The following EHBP1 variants were observed in gnomAD, a reference collection of about 807,000 sequenced individuals.
EHBP1 encodes the protein EH domain-binding protein 1.
Under a neutral mutation model 144.0 loss-of-function variants are expected in EHBP1, and 55 were observed. The observed-to-expected ratio is 0.38, with a 90% CI of 0.31 to 0.48. The LOEUF is 0.48. Among genes scored for constraint, EHBP1 ranks in the 20% least tolerant of loss-of-function variants. EHBP1 has a pLI of 0.98. For missense variants in EHBP1, 1,200 were observed against 1,364.2 expected, an observed-to-expected ratio of 0.88 and a Z score of 1.90; for synonymous variants, 469 against 472.7, an observed-to-expected ratio of 0.99 and a Z score of 0.10.
At chr2:63,024,601 CAAAA>C (rs35534053) in intron 19 of EHBP1, among the ~76,000 whole-genome samples, 14 of 107,480 alleles carry the variant, frequency 1.3e-4, no homozygotes, top group Non-Finnish European at 1.1e-4. Context: ...GACCCTGTCT[CAAAA>C]AAAAAAAAAA....
chr2:62,836,596 A>G (rs1480420895), intron 7 of EHBP1, among the ~76,000 whole-genome samples: 10 of 105,754 alleles, frequency 9.5e-5, no homozygotes, highest in East Asian at 2.9e-4. Context: ...TTTGAAAAAA[A>G]TTTAGAAGAA....
chr2:63,000,265 C>T lies in EHBP1; in HGVS notation c.3103+3499C>T, dbSNP rs374124883. Reference sequence around the variant, plus strand: ...GGCAGGAGCTGGGAAAGGGCACCAACGACACAGATAGAACAACTATGGGAT... The same window carrying T: ...GGCAGGAGCTGGGAAAGGGCACCAATGACACAGATAGAACAACTATGGGAT... On this transcript the variant is annotated intron_variant, in intron 19 of 22. Transcript: ENST00000431489. Among the ~76,000 whole-genome samples the T allele has an allele frequency of 5.5e-4, 83 of 152,218 alleles. 1 individual carries two copies. Among genetic ancestry groups the T allele is most frequent in the African/African-American group, 1.7e-3 (72 of 41,536 alleles).
intron 14 of EHBP1, among the ~76,000 whole-genome samples, chr2:62,959,163 A>G (rs2057871584): frequency 6.6e-6 from 1 of 152,236 alleles, no homozygotes; most frequent in Non-Finnish European, 1.5e-5. Context: ...TTCACTTAGC[A>G]TAATGTCATC....
At chr2:62,734,625 A>G (rs1415585468) in intron 2 of EHBP1, among the ~76,000 whole-genome samples, 1 of 152,158 alleles carries the variant, frequency 6.6e-6, no homozygotes, top group African/African-American at 2.4e-5. Context: ...TAATTGGTGC[A>G]TTTAGACCAC....
At chr2:62,897,970 TAC>T (rs2152934333) in intron 10 of EHBP1, among the ~76,000 whole-genome samples, 1 of 152,322 alleles carries the variant, frequency 6.6e-6, no homozygotes, top group African/African-American at 2.4e-5. Flanking sequence ...AGCTGAATTT[TAC>T]AGAGTGAAAA....
intron 13 of EHBP1, among the ~76,000 whole-genome samples, chr2:62,951,752 T>G (rs1304140337): frequency 6.6e-6 from 1 of 152,096 alleles, no homozygotes; most frequent in East Asian, 1.9e-4. Flanking sequence ...CTCGAACTCC[T>G]GACCTCAGGT....
At chr2:62,811,340 TCTG>T (rs893824551) in intron 5 of EHBP1, among the ~76,000 whole-genome samples, 2 of 152,362 alleles carry the variant, frequency 1.3e-5, no homozygotes, top group South Asian at 2.1e-4. Flanking sequence ...TCCATTTTGG[TCTG>T]CTGATGAAGC....
chr2:62,716,118 C>A (rs1434964579), intron 2 of EHBP1, among the ~76,000 whole-genome samples: 1 of 152,022 alleles, frequency 6.6e-6, no homozygotes, highest in Non-Finnish European at 1.5e-5. Flanking sequence ...CTTTCAATGT[C>A]CCACCCATTT....
At chr2:62,734,021 C>T (rs2037866056) in intron 2 of EHBP1, among the ~76,000 whole-genome samples, 1 of 152,112 alleles carries the variant, frequency 6.6e-6, no homozygotes, top group Non-Finnish European at 1.5e-5. Flanking sequence ...AGTTGATTTT[C>T]AGTTTGTTTG....
In EHBP1 at chr2:62,881,848, G is replaced by C. The variant is rs2051446864; in HGVS notation, c.1185+7316G>C. ...ATAACTTTTGCCTATCTAGTCATGG[G>C]TGTGCTTTTACCGCTATATTAGGTT... On this transcript the variant is annotated intron_variant, in intron 10 of 22. Transcript: ENST00000431489. 2.0e-5 allele frequency: 3 copies of C among 152,120 alleles called. No homozygotes were observed. The South Asian group carries it at 6.2e-4, about 31-fold the overall frequency. The allele number at this position is 152,120 out of a possible 1,614,324, so 9.4% of individuals were successfully genotyped here.
At chr2:62,936,166 G>A (rs559753401) in intron 10 of EHBP1, among the ~76,000 whole-genome samples, 2 of 152,070 alleles carry the variant, frequency 1.3e-5, no homozygotes, top group African/African-American at 2.4e-5. Context: ...TATAATTTGT[G>A]TAATATTGGA....
intron 11 of EHBP1, 34 bp from the exon 12 acceptor site, chr2:62,943,768 C>G (rs1373038669): frequency 6.7e-7 from 1 of 1,493,988 alleles, no homozygotes; most frequent in Non-Finnish European, 9.1e-7. Context: ...TTATCAAATA[C>G]TATATGTACC....
At chr2:62,673,937 C>G in exon 1 of EHBP1, 1 of 438,456 alleles carries the variant, frequency 2.3e-6, no homozygotes, top group Non-Finnish European at 4.7e-6. Flanking sequence ...ATTTGGAGGT[C>G]CAAGTCATGG....
At chr2:62,694,871 C>T (rs2151751757) in intron 1 of EHBP1, among the ~76,000 whole-genome samples, 1 of 152,168 alleles carries the variant, frequency 6.6e-6, no homozygotes, top group Middle Eastern at 3.4e-3. Context: ...CTTGTCTTTC[C>T]TAATAATTCT....
chr2:62,757,870 A>AAAT (rs2152284834), intron 3 of EHBP1, among the ~76,000 whole-genome samples: 1 of 152,182 alleles, frequency 6.6e-6, no homozygotes, highest in East Asian at 1.9e-4. Flanking sequence ...TTAGACAATA[A>AAAT]AATAATAGGA....
chr2:62,750,937 C>T (rs1412541891), intron 3 of EHBP1, among the ~76,000 whole-genome samples: 4 of 152,134 alleles, frequency 2.6e-5, no homozygotes, highest in Non-Finnish European at 5.9e-5. Flanking sequence ...CAAACAGGGA[C>T]AATTTTACTT....
At chr2:62,850,041 A>C (rs2048568654) in intron 7 of EHBP1, among the ~76,000 whole-genome samples, 1 of 152,212 alleles carries the variant, frequency 6.6e-6, no homozygotes, top group Admixed American at 6.5e-5. Flanking sequence ...AGTAATTATT[A>C]TTAAAACAGA....
chr2:62,877,461 GA>G (rs1284692883), intron 10 of EHBP1, among the ~76,000 whole-genome samples: 1 of 152,130 alleles, frequency 6.6e-6, no homozygotes, highest in East Asian at 1.9e-4. Context: ...AACTAATAAA[GA>G]TATTCAGAAC....
intron 14 of EHBP1, among the ~76,000 whole-genome samples, chr2:62,961,944 C>T (rs2058022126): frequency 6.6e-6 from 1 of 152,136 alleles, no homozygotes; most frequent in South Asian, 2.1e-4. Flanking sequence ...AGGAGAATTG[C>T]TTGAACTCGG....
Sources: allele counts gnomAD v4.1 joint callset (sites outside exome capture counted in the v4.1 genomes callset), GRCh38; gene constraint gnomAD v4.1.1; transcripts MANE v1.5; gene names NCBI Gene and HGNC (gene_info 2026-07-23, HGNC 2026-07-21).